The following TMEM236 variants were observed in gnomAD, a reference collection of about 807,000 sequenced individuals.
The protein encoded by TMEM236 is transmembrane protein 236.
Under a neutral mutation model 14.7 loss-of-function variants are expected in TMEM236, and 11 were observed. The observed-to-expected ratio is 0.75, with a 90% CI of 0.47 to 1.24. The LOEUF is 1.24. Among genes scored for constraint, TMEM236 ranks in the 50% most tolerant of loss-of-function variants. The probability of loss-of-function intolerance (pLI) is 0.00; values close to 1 mark genes in which losing one functional copy is unlikely to be tolerated. For missense variants in TMEM236, 464 were observed against 427.3 expected, an observed-to-expected ratio of 1.09 and a Z score of -0.76; for synonymous variants, 182 against 168.6, an observed-to-expected ratio of 1.08 and a Z score of -0.62.
At chr10:17,761,857 C>G (rs1472813759) in intron 1 of TMEM236, among the ~76,000 whole-genome samples, 1 of 152,176 alleles carries the variant, frequency 6.6e-6, no homozygotes, top group Admixed American at 6.5e-5. Flanking sequence ...TCTCACAATA[C>G]AAATACCTCT....
intron 3 of TMEM236, among the ~76,000 whole-genome samples, chr10:17,790,994 T>A (rs1837915426): frequency 1.3e-5 from 2 of 152,228 alleles, no homozygotes; most frequent in African/African-American, 2.4e-5. Flanking sequence ...AAAACTTTTA[T>A]CCTGGACCAT....
intron 1 of TMEM236, 74 bp from the exon 2 acceptor site, chr10:17,771,234 CA>C: frequency 7.1e-7 from 1 of 1,406,756 alleles, no homozygotes; most frequent in Non-Finnish European, 1.0e-6. Context: ...ACAGGAACTG[CA>C]AAATTAGCAA....
intron 2 of TMEM236, among the ~76,000 whole-genome samples, chr10:17,774,413 G>T (rs1837625063): frequency 6.6e-6 from 1 of 152,110 alleles, no homozygotes; most frequent in Non-Finnish European, 1.5e-5. Flanking sequence ...ATCTGGAACT[G>T]ATTTTTGTAT....
chr10:17,788,625 A>G (rs1487475426), intron 3 of TMEM236, among the ~76,000 whole-genome samples: 1 of 151,958 alleles, frequency 6.6e-6, no homozygotes, highest in Non-Finnish European at 1.5e-5. Context: ...AAAAAATTTT[A>G]AACCACCTAG....
chr10:17,762,430 C>T (rs1589140093), intron 1 of TMEM236, among the ~76,000 whole-genome samples: 1 of 151,530 alleles, frequency 6.6e-6, no homozygotes. Context: ...CAATTGGCTT[C>T]CACTGCAATG....
At chr10:17,768,915 T>C (rs983478096) in intron 1 of TMEM236, among the ~76,000 whole-genome samples, 30 of 152,310 alleles carry the variant, frequency 2.0e-4, no homozygotes, top group African/African-American at 5.8e-4. Flanking sequence ...ATAAAATACA[T>C]ATAATGTGAA....
chr10:17,779,866 C>T (rs900070242), intron 3 of TMEM236, among the ~76,000 whole-genome samples: 1 of 152,108 alleles, frequency 6.6e-6, no homozygotes, highest in African/African-American at 2.4e-5. Context: ...TCCTGCTCGG[C>T]TCTGCTCTAA....
At chr10:17,770,052 G>T (rs1044548043) in intron 1 of TMEM236, among the ~76,000 whole-genome samples, 1 of 151,990 alleles carries the variant, frequency 6.6e-6, no homozygotes, top group Non-Finnish European at 1.5e-5. Context: ...AGTACCCAAC[G>T]TTTAGCTCCC....
chr10:17,764,335 T>A (rs1554834200), intron 1 of TMEM236, among the ~76,000 whole-genome samples: 8 of 152,184 alleles, frequency 5.3e-5, no homozygotes. Flanking sequence ...TTTATTATGA[T>A]GCACACAGAG....
chr10:17,780,322 C>A (rs1837725964), intron 3 of TMEM236, among the ~76,000 whole-genome samples: 1 of 152,076 alleles, frequency 6.6e-6, no homozygotes, highest in Admixed American at 6.5e-5. Flanking sequence ...GATTCCTTAA[C>A]CCCCATCAAA....
In TMEM236 at chr10:17,752,541, A is replaced by AATT. The variant is rs2131736897; in HGVS notation, c.248_250dup (p.Ile83dup). 1 of 1,613,744 alleles carries AATT rather than the reference A, an allele frequency of 6.2e-7. No homozygotes were observed. The highest frequency in any genetic ancestry group is 1.3e-5 in the African/African-American group (1 of 75,006). On this transcript the variant is annotated inframe_insertion, in exon 1 of 4. Coordinates refer to ENST00000377495, the MANE Select transcript of TMEM236 (RefSeq NM_001098844.3). ...ACAAGAAACGTTATATTTACAGAAA[A>AATT]ATTAAAGGATGGTAAGTAAAAGAAT...
At chr10:17,774,798 T>TTC (rs781848506) in intron 2 of TMEM236, among the ~76,000 whole-genome samples, 14,332 of 142,042 alleles carry the variant, frequency 0.1, 728 homozygotes, top group African/African-American at 0.11. Flanking sequence ...CCTACCTCCT[T>TTC]TCTCTCTCTC....
chr10:17,794,549 A>G (rs1218144259), intron 3 of TMEM236, among the ~76,000 whole-genome samples: 2 of 151,314 alleles, frequency 1.3e-5, no homozygotes, highest in East Asian at 3.8e-4. Flanking sequence ...AGACACACAC[A>G]CGCACACACA....
At chr10:17,792,016 G>A (rs1589153490) in intron 3 of TMEM236, among the ~76,000 whole-genome samples, 1 of 152,082 alleles carries the variant, frequency 6.6e-6, no homozygotes, top group Non-Finnish European at 1.5e-5. Context: ...TGCATTTTTA[G>A]CATTAGCTTT....
chr10:17,759,404 T>C (rs35333693), intron 1 of TMEM236, among the ~76,000 whole-genome samples: 8,325 of 152,236 alleles, frequency 0.055, 302 homozygotes, highest in Non-Finnish European at 0.081. Context: ...TGGAGTACAA[T>C]TAATTCAGAC....
intron 1 of TMEM236, among the ~76,000 whole-genome samples, chr10:17,759,032 T>C (rs1837320123): frequency 6.6e-6 from 1 of 152,228 alleles, no homozygotes. Context: ...TAAAATGTAC[T>C]GGAGGCTGAA....
chr10:17,768,086 G>GTTTTTTT (rs879036347), intron 1 of TMEM236, among the ~76,000 whole-genome samples: 25 of 92,008 alleles, frequency 2.7e-4, no homozygotes, highest in African/African-American at 4.8e-4. Context: ...AATTTTTGTG[G>GTTTTTTT]TTTTTTTTTT....
At chr10:17,773,327 G>A (rs1003381997) in intron 2 of TMEM236, among the ~76,000 whole-genome samples, 13,228 of 152,082 alleles carry the variant, frequency 0.087, 614 homozygotes, top group Non-Finnish European at 0.1. Context: ...ATTCACCAGC[G>A]CTTGCGTTGT....
intron 1 of TMEM236, among the ~76,000 whole-genome samples, chr10:17,767,868 A>G (rs1293677795): frequency 1.3e-5 from 2 of 151,468 alleles, no homozygotes; most frequent in African/African-American, 4.9e-5. Flanking sequence ...CTATCTTGAA[A>G]TTATGAGTGA....
Sources: allele counts gnomAD v4.1 joint callset (sites outside exome capture counted in the v4.1 genomes callset), GRCh38; gene constraint gnomAD v4.1.1; transcripts MANE v1.5; gene names NCBI Gene and HGNC (gene_info 2026-07-23, HGNC 2026-07-21).